The following CYP2W1 variants were observed in gnomAD, a reference collection of about 807,000 sequenced individuals.
CYP2W1 encodes cytochrome P450 2W1.
A neutral mutation model predicts 44.9 loss-of-function variants in CYP2W1; 51 were observed. The observed-to-expected ratio is 1.14, with a 90% CI of 0.91 to 1.43. CYP2W1 has a LOEUF of 1.43. Ranked by LOEUF, CYP2W1 falls within the 40% of genes most tolerant of loss-of-function variation. The pLI is 0.00. For synonymous variants in CYP2W1, 383 were observed against 338.3 expected (o/e 1.13, Z -1.45); for missense variants, 746 against 700.0 (o/e 1.07, Z -0.74).
intron 4 of CYP2W1, among the ~76,000 whole-genome samples, chr7:986,069 G>C (rs1027048071): frequency 2.0e-5 from 3 of 152,186 alleles, no homozygotes; most frequent in African/African-American, 7.2e-5. Context: ...GCAGCCCCAG[G>C]GCAGCAGAGC....
chr7:985,691 G>A lies in CYP2W1; in HGVS notation c.645+368G>A, dbSNP rs1848287816. On this transcript the variant is annotated intron_variant, in intron 4 of 8. Coordinates refer to ENST00000308919, the MANE Select transcript of CYP2W1 (RefSeq NM_017781.3). ...CACCTTCCTGCTGACGCCCTTTACAGTGCCCCAAAACCACAAAAGTTCACC... is the reference window on the plus strand; with the variant it reads ...CACCTTCCTGCTGACGCCCTTTACAATGCCCCAAAACCACAAAAGTTCACC... Among the ~76,000 whole-genome samples the A allele has an allele frequency of 2.0e-5, 3 of 152,206 alleles. No individual in the cohort carries two copies. The South Asian group carries it at 6.2e-4, about 31-fold the overall frequency.
chr7:984,541 A>G lies in CYP2W1; in HGVS notation c.304A>G (p.Ile102Val). Residue 102 changes from isoleucine to valine, a missense_variant, in exon 2 of 9, where the codon ATC (isoleucine) becomes GTC (valine). Physicochemically the swap from Ile to Val is conservative, Grantham distance 29 (BLOSUM62 3). Transcript: ENST00000308919. Reference protein sequence around the residue: ...PGQELADRPPIAIFQLIQRGG... With the variant: ...PGQELADRPPVAIFQLIQRGG... ...GCAGGAGCTGGCCGACCGGCCTCCCATCGCCATCTTCCAGCTCATCCAGCG... is the reference window on the plus strand; with the variant it reads ...GCAGGAGCTGGCCGACCGGCCTCCCGTCGCCATCTTCCAGCTCATCCAGCG... 1 of 1,557,956 alleles carries G rather than the reference A, an allele frequency of 6.4e-7. No individual in the cohort carries two copies. The highest frequency in any genetic ancestry group is 8.7e-7 in the Non-Finnish European group (1 of 1,152,934).
In CYP2W1 at chr7:988,795, G is replaced by C. The variant is rs773499447; in HGVS notation, c.1446G>C (p.Gln482His). Residue 482 changes from glutamine to histidine, a missense_variant, in exon 9 of 9, where the codon CAG (glutamine) becomes CAC (histidine). Physicochemically the swap from Gln to His is conservative, Grantham distance 24 (BLOSUM62 0). Transcript: ENST00000308919. The stretch of plus-strand genomic sequence containing the variant: ...CTTTTACCATGAGGCCGAGGGCCCA[G>C]GCCCTGTGTGCGGTGCCCAGGCCCT... ...ARAFTMRPRA[Q>H]ALCAVPRP 3.8e-6 allele frequency: 6 copies of C among 1,591,640 alleles called. No individual in the cohort carries two copies. The East Asian group carries it at 1.3e-4, about 36-fold the overall frequency.
chr7:986,967 G>C (rs1224208117), intron 5 of CYP2W1, 140 bp from the exon 6 acceptor site: 1 of 1,337,574 alleles, frequency 7.5e-7, no homozygotes, highest in African/African-American at 1.5e-5. Flanking sequence ...GGCATCCATA[G>C]TGCCTGCCTC....
At position 986,660 on chromosome 7, in the gene CYP2W1, C is replaced by T. The variant is rs758189818; in HGVS notation, c.682C>T (p.Gln228Ter). The change falls in exon 5 of 9, where the codon CAG (glutamine) becomes TAG (stop). Residue 228 changes from glutamine to a stop codon, truncating the protein, a stop_gained. Coordinates refer to ENST00000308919, the MANE Select transcript of CYP2W1 (RefSeq NM_017781.3). LOFTEE classifies it high-confidence loss of function. ...CTACCCATGGCTCGGGGCCCTGCTC[C>T]AGCTGCACCGGCCCGTCCTGCGCAA... is the stretch of plus-strand genomic sequence containing the variant. ...NVYPWLGALL[Q>*]LHRPVLRKIE... is the part of the protein sequence containing the mutation. The T allele has an allele frequency of 6.2e-7, 1 of 1,612,728 alleles. No individual in the cohort carries two copies. The highest frequency in any genetic ancestry group is 1.1e-5 in the South Asian group (1 of 91,080).
Position 984,972 on chromosome 7 carries a change from G to A in CYP2W1, c.360G>A (p.Ala120=), listed in dbSNP as rs546165821. Residue 120 remains alanine, a synonymous_variant, in exon 3 of 9, where the codon GCG becomes GCA. Coordinates refer to ENST00000308919, the MANE Select transcript of CYP2W1 (RefSeq NM_017781.3). ...RGGGIFFSSG[A]RWRAARQFTV... Reference sequence around the variant, plus strand: ...CAGGCATCTTCTTCTCATCTGGGGCGCGCTGGAGGGCTGCCCGCCAGTTCA... The same window carrying A: ...CAGGCATCTTCTTCTCATCTGGGGCACGCTGGAGGGCTGCCCGCCAGTTCA... 5.2e-5 allele frequency: 84 copies of A among 1,606,370 alleles called. No individual in the cohort carries two copies. The highest frequency in any genetic ancestry group is 1.6e-4 in the East Asian group (7 of 44,854).
At position 987,526 on chromosome 7, in the gene CYP2W1, C is replaced by A. The variant is rs1385774971; in HGVS notation, c.1138C>A (p.Pro380Thr). The change falls in exon 7 of 9, where the codon CCC (proline) becomes ACC (threonine). Residue 380 changes from proline (P) to threonine (T), a missense_variant. Transcript: ENST00000308919. Reference protein sequence around the residue: ...ADTQLGGFLLPKGTPVIPLLT... With the variant: ...ADTQLGGFLLTKGTPVIPLLT... ...CACACAGCTGGGCGGCTTCCTGCTC[C>A]CCAAGGTGGGGCTGGGCCTCCCTTG... is the stretch of plus-strand genomic sequence containing the variant. 1.3e-6 allele frequency: 2 copies of A among 1,521,716 alleles called. No individual in the cohort carries two copies. Among genetic ancestry groups the A allele is most frequent in the Admixed American group, 3.9e-5 (2 of 50,902 alleles). 94.3% of individuals were successfully genotyped at this position (1,521,716 alleles called of 1,614,324 possible). A position where few individuals can be genotyped will look rare whatever the true frequency, so the allele number is the denominator to read the frequency against.
At position 988,895 on chromosome 7, in the gene CYP2W1, C is replaced by T. The variant is rs942411596; in HGVS notation, c.*73C>T. The T allele has an allele frequency of 5.2e-6, 5 of 963,750 alleles. No homozygotes were observed. In the East Asian group the frequency reaches 7.9e-5, roughly 15 times the overall value. The allele number at this position is 963,750 out of a possible 1,614,324, so 59.7% of individuals were successfully genotyped here. A position where few individuals can be genotyped will look rare whatever the true frequency, so the allele number is the denominator to read the frequency against. On this transcript the variant is annotated 3_prime_UTR_variant, in exon 9 of 9. Coordinates refer to ENST00000308919, the MANE Select transcript of CYP2W1 (RefSeq NM_017781.3). ...TGGGTCCTCCCACCCTCTCTCCTCC[C>T]ACCCCACAGCTCGGACTGCTCTGGG... is the stretch of plus-strand genomic sequence containing the variant.
Position 983,368 on chromosome 7 carries a change from G to T in CYP2W1, c.157G>T (p.Asp53Tyr). Residue 53 changes from aspartate (D) to tyrosine (Y), a missense_variant, in exon 1 of 9, where the codon GAC becomes TAC. Physicochemically the swap from Asp to Tyr is radical, Grantham distance 160 (BLOSUM62 -3). Transcript: ENST00000308919. The stretch of plus-strand genomic sequence containing the variant: ...GCACTTGCTGCGTCTGTCGCAACAG[G>T]ACCGGTCCCTGATGGAGGTAAGTCA... ...NLHLLRLSQQDRSLMELSERY... is the reference protein window; with the variant it reads ...NLHLLRLSQQYRSLMELSERY... The T allele has an allele frequency of 6.6e-7, 1 of 1,526,392 alleles. No individual in the cohort carries two copies. 94.6% of individuals were successfully genotyped at this position (1,526,392 alleles called of 1,614,324 possible).
chr7:987,327 C>T lies in CYP2W1; in HGVS notation c.959-20C>T, dbSNP rs762300475. On this transcript the variant is annotated intron_variant, in intron 6 of 8. Transcript: ENST00000308919. ...ACGAGGGATGGCGCTGCCACCCAAG[C>T]GGCCCACCCTTTGCCCCAGGCCGGG... 6 of 1,552,798 alleles carry T rather than the reference C, an allele frequency of 3.9e-6. No homozygotes were observed. The highest frequency in any genetic ancestry group is 3.5e-5 in the South Asian group (3 of 86,282).
intron 4 of CYP2W1, 106 bp from the exon 5 acceptor site, chr7:986,518 C>A: frequency 7.4e-7 from 1 of 1,355,072 alleles, no homozygotes; most frequent in South Asian, 1.3e-5. Flanking sequence ...GCACATCCAC[C>A]CAGAGTCCCT....
In CYP2W1 at chr7:985,213, A is replaced by G. The variant is rs1449329411; in HGVS notation, c.535A>G (p.Thr179Ala). The G allele has an allele frequency of 2.6e-6, 4 of 1,557,312 alleles. No homozygotes were observed. Among genetic ancestry groups the G allele is most frequent in the Non-Finnish European group, 3.5e-6 (4 of 1,151,088 alleles). The change falls in exon 4 of 9, where the codon ACC becomes GCC. Residue 179 changes from threonine (T) to alanine (A), a missense_variant. Thr to Ala is a moderately conservative substitution (Grantham distance 58, BLOSUM62 0). Coordinates refer to ENST00000308919, the MANE Select transcript of CYP2W1 (RefSeq NM_017781.3). ...ACTGGGCTGGGCTCCCTCCAATATC[A>G]CCTTCGCGCTCCTCTTCGGCCGCCG... Reference protein sequence around the residue: ...ALLGWAPSNITFALLFGRRFD... With the variant: ...ALLGWAPSNIAFALLFGRRFD...
At position 987,215 on chromosome 7, in the gene CYP2W1, C is replaced by T. The variant is rs988047184; in HGVS notation, c.928C>T (p.Leu310Phe). ...TTSATLQWAA[L>F]LMGRHPDVQG... is the part of the protein sequence containing the mutation. The stretch of plus-strand genomic sequence containing the variant: ...CTCGGCCACGCTGCAGTGGGCCGCA[C>T]TTCTGATGGGCCGGCACCCGGACGT... Residue 310 changes from leucine (L) to phenylalanine (F), a missense_variant, in exon 6 of 9, where the codon CTT (leucine) becomes TTT (phenylalanine). Coordinates refer to ENST00000308919, the MANE Select transcript of CYP2W1 (RefSeq NM_017781.3). The T allele has an allele frequency of 1.3e-6, 2 of 1,543,144 alleles. No homozygotes were observed. Among genetic ancestry groups the T allele is most frequent in the East Asian group, 2.4e-5 (1 of 40,848 alleles).
chr7:986,125 G>A (rs775296528), intron 4 of CYP2W1, among the ~76,000 whole-genome samples: 21 of 152,128 alleles, frequency 1.4e-4, no homozygotes, highest in Admixed American at 2.6e-4. Context: ...CCACAGAGAC[G>A]CCGCGTGGAA....
At position 988,699 on chromosome 7, in the gene CYP2W1, C is replaced by G; in HGVS notation, c.1350C>G (p.Leu450=). The change falls in exon 9 of 9, where the codon CTC becomes CTG. Residue 450 remains leucine (L), a synonymous_variant. Transcript: ENST00000308919. ...AGCTCTTCCTGCTGTTTGCCGGCCT[C>G]CTGCAGAGGTACCGCCTGCTGCCCC... ...RTELFLLFAG[L]LQRYRLLPPP... 1 of 1,599,994 alleles carries G rather than the reference C, an allele frequency of 6.3e-7. No homozygotes were observed. Among genetic ancestry groups the G allele is most frequent in the Non-Finnish European group, 8.5e-7 (1 of 1,179,630 alleles).
At position 984,458 on chromosome 7, in the gene CYP2W1, A is replaced by G; in HGVS notation, c.221A>G (p.Gln74Arg). The G allele has an allele frequency of 1.9e-6, 3 of 1,550,620 alleles. No homozygotes were observed. The South Asian group carries it at 3.6e-5, about 18-fold the overall frequency. Residue 74 changes from glutamine to arginine, a missense_variant, in exon 2 of 9, where the codon CAG (glutamine) becomes CGG (arginine). Coordinates refer to ENST00000308919, the MANE Select transcript of CYP2W1 (RefSeq NM_017781.3). The part of the protein sequence containing the change: ...GPVFTVHLGR[Q>R]KTVVLTGFEA... ...GTGTTCACCGTGCACCTGGGGCGCC[A>G]GAAGACGGTGGTGCTGACGGGGTTC...
At position 987,469 on chromosome 7, in the gene CYP2W1, C is replaced by G. The variant is rs1322776854; in HGVS notation, c.1081C>G (p.Leu361Val). 6.4e-7 allele frequency: 1 copy of G among 1,563,604 alleles called. No homozygotes were observed. The highest frequency in any genetic ancestry group is 1.8e-5 in the Admixed American group (1 of 54,864). Reference protein sequence around the residue: ...LHEVQRFITLLPHVPRCTAAD... With the variant: ...LHEVQRFITLVPHVPRCTAAD... ...CGAGGTGCAGCGGTTCATCACGCTCCTGCCGCACGTGCCCCGCTGCACCGC... is the reference window on the plus strand; with the variant it reads ...CGAGGTGCAGCGGTTCATCACGCTCGTGCCGCACGTGCCCCGCTGCACCGC... Residue 361 changes from leucine to valine, a missense_variant, in exon 7 of 9, where the codon CTG becomes GTG. Transcript: ENST00000308919.
Position 986,651 on chromosome 7 carries a change from G to T in CYP2W1, c.673G>T (p.Ala225Ser). The change falls in exon 5 of 9, where the codon GCC becomes TCC. Residue 225 changes from alanine to serine, a missense_variant. Ala to Ser is a moderately conservative substitution (Grantham distance 99, BLOSUM62 1). Coordinates refer to ENST00000308919, the MANE Select transcript of CYP2W1 (RefSeq NM_017781.3). ...QLFNVYPWLG[A>S]LLQLHRPVLR... The stretch of plus-strand genomic sequence containing the variant: ...GTTCAACGTCTACCCATGGCTCGGG[G>T]CCCTGCTCCAGCTGCACCGGCCCGT... 6.2e-7 allele frequency: 1 copy of T among 1,612,722 alleles called. No homozygotes were observed. Among genetic ancestry groups the T allele is most frequent in the African/African-American group, 1.3e-5 (1 of 75,050 alleles).
Position 988,375 on chromosome 7 carries a change from T to A in CYP2W1, c.1242T>A (p.Asn414Lys), listed in dbSNP as rs570748638. ...ACCCCGGCCATTTCCTGGACGCGAA[T>A]GGGCACTTTGTGAAGCGGGAGGCCT... ...QFNPGHFLDA[N>K]GHFVKREAFL... The change falls in exon 8 of 9, where the codon AAT becomes AAA. Residue 414 changes from asparagine (N) to lysine (K), a missense_variant. Coordinates refer to ENST00000308919, the MANE Select transcript of CYP2W1 (RefSeq NM_017781.3). 1.0e-4 allele frequency: 162 copies of A among 1,612,662 alleles called. 1 individual carries two copies. In the South Asian group the frequency reaches 1.6e-3, roughly 16 times the overall value.
Sources: allele counts gnomAD v4.1 joint callset (sites outside exome capture counted in the v4.1 genomes callset), GRCh38; gene constraint gnomAD v4.1.1; transcripts MANE v1.5; gene names NCBI Gene and HGNC (gene_info 2026-07-23, HGNC 2026-07-21).